Variants in KCNIP4 observed in about 807,000 individuals in gnomAD.
The protein encoded by KCNIP4 is potassium voltage-gated channel interacting protein 4, also known as Kv channel-interacting protein 4.
In KCNIP4, 12 loss-of-function variants were observed where a neutral mutation model predicts 34.0. That is an observed-to-expected ratio of 0.35 (90% CI 0.23 to 0.57). The LOEUF is 0.57. Among genes scored for constraint, KCNIP4 ranks in the 20% least tolerant of loss-of-function variants. The pLI is 0.83. For synonymous variants in KCNIP4, 124 were observed against 102.2 expected, an observed-to-expected ratio of 1.21 and a Z score of -1.29; for missense variants, 238 against 311.7, an observed-to-expected ratio of 0.76 and a Z score of 1.78.
intron 1 of KCNIP4, among the ~76,000 whole-genome samples, chr4:21,071,145 T>A (rs1560694665): frequency 6.6e-6 from 1 of 152,168 alleles, no homozygotes; most frequent in Non-Finnish European, 1.5e-5. Context: ...TTTTCTTGTA[T>A]GGATCATGTC....
chr4:21,752,200 C>T (rs1029227209), intron 1 of KCNIP4, among the ~76,000 whole-genome samples: 7 of 151,926 alleles, frequency 4.6e-5, no homozygotes, highest in African/African-American at 9.7e-5. Context: ...GTCTATTTGT[C>T]CATTTTCACA....
intron 1 of KCNIP4, among the ~76,000 whole-genome samples, chr4:20,991,870 C>T (rs4613564): frequency 0.4 from 60,004 of 151,854 alleles, 12,098 homozygotes; most frequent in Admixed American, 0.47. Flanking sequence ...TGGGCCAGGG[C>T]CTTGCTGCCA....
chr4:20,891,731 C>T (rs969607028), intron 1 of KCNIP4, among the ~76,000 whole-genome samples: 2 of 152,102 alleles, frequency 1.3e-5, no homozygotes, highest in East Asian at 1.9e-4. Flanking sequence ...ATAGGGAGTA[C>T]ATTTTTTTAC....
chr4:20,746,893 G>A (rs1752532205), intron 5 of KCNIP4, among the ~76,000 whole-genome samples: 1 of 152,068 alleles, frequency 6.6e-6, no homozygotes, highest in Non-Finnish European at 1.5e-5. Flanking sequence ...CTCTCAGTAT[G>A]CTATTGCTAT....
chr4:21,122,694 G>A (rs563692702), intron 1 of KCNIP4, among the ~76,000 whole-genome samples: 22 of 152,226 alleles, frequency 1.4e-4, no homozygotes, highest in Middle Eastern at 3.4e-3. Flanking sequence ...TCGAGAATGA[G>A]GATGAGGAAG....
intron 1 of KCNIP4, among the ~76,000 whole-genome samples, chr4:21,514,308 G>A (rs928779686): frequency 6.6e-6 from 1 of 152,162 alleles, no homozygotes; most frequent in Non-Finnish European, 1.5e-5. Context: ...ATTTCCCAAG[G>A]AGTGAACATG....
intron 1 of KCNIP4, among the ~76,000 whole-genome samples, chr4:21,303,147 G>T (rs533454180): frequency 6.6e-6 from 1 of 152,292 alleles, no homozygotes; most frequent in Non-Finnish European, 1.5e-5. Context: ...ACAAAGAGGT[G>T]ATTGATAAGG....
chr4:21,019,938 A>G (rs1460216778), intron 1 of KCNIP4, among the ~76,000 whole-genome samples: 1 of 152,170 alleles, frequency 6.6e-6, no homozygotes, highest in Admixed American at 6.5e-5. Flanking sequence ...AGCCTGGCAT[A>G]TTTATTTAAG....
intron 1 of KCNIP4, among the ~76,000 whole-genome samples, chr4:21,525,545 A>C (rs899445759): frequency 1.3e-5 from 2 of 152,180 alleles, no homozygotes; most frequent in Non-Finnish European, 2.9e-5. Flanking sequence ...GGTATCCTAA[A>C]TAATTTACTC....
At chr4:21,091,526 A>G (rs1393824093) in intron 1 of KCNIP4, among the ~76,000 whole-genome samples, 2 of 152,218 alleles carry the variant, frequency 1.3e-5, no homozygotes, top group Non-Finnish European at 2.9e-5. Flanking sequence ...GTTGTCAAAC[A>G]TATGTCATCC....
chr4:21,602,324 A>T (rs949714303), intron 1 of KCNIP4, among the ~76,000 whole-genome samples: 26 of 152,156 alleles, frequency 1.7e-4, no homozygotes, highest in African/African-American at 6.0e-4. Flanking sequence ...CCTTGGAGTA[A>T]AGGATGAATC....
At chr4:20,816,285 G>A (rs1716375788) in intron 3 of KCNIP4, among the ~76,000 whole-genome samples, 1 of 151,768 alleles carries the variant, frequency 6.6e-6, no homozygotes, top group South Asian at 2.1e-4. Flanking sequence ...TAAGTAGAAG[G>A]CAGAGCCTTT....
At chr4:21,339,530 A>G (rs1716525405) in intron 1 of KCNIP4, among the ~76,000 whole-genome samples, 1 of 152,236 alleles carries the variant, frequency 6.6e-6, no homozygotes, top group African/African-American at 2.4e-5. Context: ...AAAGAAGCAG[A>G]AACAATTTCC....
intron 1 of KCNIP4, among the ~76,000 whole-genome samples, chr4:21,421,135 G>A (rs1725418354): frequency 3.9e-5 from 6 of 152,128 alleles, no homozygotes; most frequent in Admixed American, 3.9e-4. Context: ...AGAAAAGATA[G>A]CTAGTGTTGG....
intron 1 of KCNIP4, among the ~76,000 whole-genome samples, chr4:21,535,813 G>C (rs1162105105): frequency 6.6e-6 from 1 of 151,990 alleles, no homozygotes; most frequent in African/African-American, 2.4e-5. Context: ...TCCATCCTAA[G>C]GTTTTTCAAA....
chr4:21,804,945 C>G (rs1350204024), intron 1 of KCNIP4, among the ~76,000 whole-genome samples: 5 of 152,048 alleles, frequency 3.3e-5, no homozygotes, highest in Non-Finnish European at 7.4e-5. Flanking sequence ...TACCTGACAA[C>G]AGAGAAATGA....
intron 1 of KCNIP4, among the ~76,000 whole-genome samples, chr4:21,542,945 T>C (rs1352353184): frequency 6.6e-6 from 1 of 151,834 alleles, no homozygotes; most frequent in Non-Finnish European, 1.5e-5. Context: ...CTATCAGAAG[T>C]AAACTGTTCA....
chr4:21,763,549 T>A (rs974960961), intron 1 of KCNIP4, among the ~76,000 whole-genome samples: 1 of 152,000 alleles, frequency 6.6e-6, no homozygotes, highest in Non-Finnish European at 1.5e-5. Context: ...CATTCTAGAG[T>A]GTCTTCTGAG....
rs369104709 is a variant in KCNIP4, at chr4:21,106,874, A to G, written c.62-224165T>C. ...TTATGTACCCAGTAGTCATTCAGGA[A>G]CAGGTTGTTCAGTTTCCATGTAGTT... On this transcript the variant is annotated intron_variant, in intron 1 of 8. Transcript: ENST00000382152. Among the ~76,000 whole-genome samples the G allele has an allele frequency of 3.9e-3, 592 of 151,400 alleles. 3 individuals carry two copies. Among genetic ancestry groups the G allele is most frequent in the South Asian group, 0.016 (78 of 4,790 alleles).
Sources: allele counts gnomAD v4.1 joint callset (sites outside exome capture counted in the v4.1 genomes callset), GRCh38; gene constraint gnomAD v4.1.1; transcripts MANE v1.5; gene names NCBI Gene and HGNC (gene_info 2026-07-23, HGNC 2026-07-21).